Variants in CETP observed in about 807,000 individuals in gnomAD.
CETP encodes cholesteryl ester transfer protein.
Under a neutral mutation model 66.5 loss-of-function variants are expected in CETP, and 56 were observed. That is an observed-to-expected ratio of 0.84 (90% CI 0.68 to 1.05). The LOEUF (loss-of-function observed/expected upper bound fraction) is 1.05, where lower values mean the gene tolerates loss of function less well. Among genes scored for constraint, CETP ranks in the 50% least tolerant of loss-of-function variants. The pLI, the probability that CETP is intolerant of heterozygous loss-of-function variation, is 0.00. For synonymous variants in CETP, 251 were observed against 245.7 expected (o/e 1.02, Z -0.20); for missense variants, 612 against 609.6 (o/e 1.00, Z -0.04).
At chr16:56,979,937 T>G (rs1196653712) in intron 11 of CETP, among the ~76,000 whole-genome samples, 5 of 152,240 alleles carry the variant, frequency 3.3e-5, no homozygotes, top group Admixed American at 1.3e-4. Context: ...ATGTGGTGAC[T>G]GGGTGCATTT....
chr16:56,983,428 C>T lies in CETP; in HGVS notation c.1407+17C>T. 1 of 1,612,962 alleles carries T rather than the reference C, an allele frequency of 6.2e-7. No individual in the cohort carries two copies. Among genetic ancestry groups the T allele is most frequent in the Non-Finnish European group, 8.5e-7 (1 of 1,178,906 alleles). On this transcript the variant is annotated intron_variant, in intron 15 of 15. Transcript: ENST00000200676. ...ACTCGAGATGTGAGTACAAAGCCCC[C>T]CTCACCAGCCCCTGTTCCTGGGGAG... is the stretch of plus-strand genomic sequence containing the variant.
chr16:56,978,984 CCTGA>C (rs1459840319), intron 11 of CETP, among the ~76,000 whole-genome samples: 1 of 152,140 alleles, frequency 6.6e-6, no homozygotes, highest in Non-Finnish European at 1.5e-5. Flanking sequence ...CGCTACCACG[CCTGA>C]CTAATTTTTT....
At chr16:56,968,729 C>CTTT (rs201835654) in intron 2 of CETP, among the ~76,000 whole-genome samples, 27 of 126,976 alleles carry the variant, frequency 2.1e-4, no homozygotes, top group African/African-American at 5.8e-4. Context: ...GAGTCTTCTT[C>CTTT]TTTTTTTTTT....
At chr16:56,975,496 C>T (rs1165663387) in intron 10 of CETP, among the ~76,000 whole-genome samples, 3 of 152,166 alleles carry the variant, frequency 2.0e-5, no homozygotes, top group Non-Finnish European at 4.4e-5. Flanking sequence ...GGGGCTGGAA[C>T]CCCAGGATCA....
Position 56,971,033 on chromosome 16 carries a change from G to T in CETP, c.528G>T (p.Glu176Asp), listed in dbSNP as rs758533363. 6.2e-7 allele frequency: 1 copy of T among 1,614,106 alleles called. No homozygotes were observed. Among genetic ancestry groups the T allele is most frequent in the Non-Finnish European group, 8.5e-7 (1 of 1,180,022 alleles). Residue 176 changes from glutamate (E) to aspartate (D), a missense_variant and splice_region_variant, in exon 6 of 16, where the codon GAG becomes GAT. Coordinates refer to ENST00000200676, the MANE Select transcript of CETP (RefSeq NM_000078.3). Reference sequence around the variant, plus strand: ...TCATTGTGGTGCTTGCTGCCTTCAGGCCTGGGTGGATCAAGCAGCTGTTCA... The same window carrying T: ...TCATTGTGGTGCTTGCTGCCTTCAGTCCTGGGTGGATCAAGCAGCTGTTCA... ...KLLLHLQGEREPGWIKQLFTN... is the reference protein window; with the variant it reads ...KLLLHLQGERDPGWIKQLFTN...
Position 56,978,170 on chromosome 16 carries a change from G to C in CETP, c.1061G>C (p.Gly354Ala). The part of the protein sequence containing the change: ...KMPKISCQNK[G>A]VVVNSSVMVK... ...CCCAAGATCTCCTGCCAAAACAAGGGAGTCGTGGTCAATTCTTCAGTGATG... is the reference window on the plus strand; with the variant it reads ...CCCAAGATCTCCTGCCAAAACAAGGCAGTCGTGGTCAATTCTTCAGTGATG... The change falls in exon 11 of 16, where the codon GGA becomes GCA. Residue 354 changes from glycine to alanine, a missense_variant. By Grantham distance (60) the Gly-to-Ala change is moderately conservative. Coordinates refer to ENST00000200676, the MANE Select transcript of CETP (RefSeq NM_000078.3). The C allele has an allele frequency of 6.2e-7, 1 of 1,614,246 alleles. No homozygotes were observed. The highest frequency in any genetic ancestry group is 8.5e-7 in the Non-Finnish European group (1 of 1,180,056).
chr16:56,977,754 C>G lies in CETP; in HGVS notation c.982-337C>G, dbSNP rs1233952615. On this transcript the variant is annotated intron_variant, in intron 10 of 15. Transcript: ENST00000200676. ...CTTTCCACAGATTATCTCATTCCATCCTCAGGACAACCCTATGAGGTAGGA... is the reference window on the plus strand; with the variant it reads ...CTTTCCACAGATTATCTCATTCCATGCTCAGGACAACCCTATGAGGTAGGA... Among the ~76,000 whole-genome samples, 295 of 152,296 alleles carry G rather than the reference C, an allele frequency of 1.9e-3. 2 individuals are homozygous for G. Among genetic ancestry groups the G allele is most frequent in the South Asian group, 3.9e-3 (19 of 4,826 alleles).
At position 56,972,016 on chromosome 16, in the gene CETP, T is replaced by C. The variant is rs141794398; in HGVS notation, c.683T>C (p.Ile228Thr). 42 of 1,613,950 alleles carry C rather than the reference T, an allele frequency of 2.6e-5. No homozygotes were observed. The highest frequency in any genetic ancestry group is 1.1e-4 in the South Asian group (10 of 91,078). Residue 228 changes from isoleucine to threonine, a missense_variant, in exon 8 of 16, where the codon ATT (isoleucine) becomes ACT (threonine). Physicochemically the swap from Ile to Thr is moderately conservative, Grantham distance 89. Transcript: ENST00000200676. ...GCCAGCATCCTTTCAGATGGAGACA[T>C]TGGGGTGGACATTTCCCTGACAGGT... ...RAASILSDGD[I>T]GVDISLTGDP...
intron 9 of CETP, 80 bp downstream of exon 9, chr16:56,973,590 G>A: frequency 6.6e-7 from 1 of 1,519,782 alleles, no homozygotes; most frequent in Non-Finnish European, 9.0e-7. Context: ...GGGGAGGAGG[G>A]AGGAAACTCG....
intron 2 of CETP, among the ~76,000 whole-genome samples, chr16:56,963,937 G>T (rs553621756): frequency 4.1e-4 from 62 of 151,966 alleles, no homozygotes; most frequent in Middle Eastern, 3.4e-3. Flanking sequence ...CCGAAGTGCT[G>T]GGGTTACAGG....
intron 10 of CETP, among the ~76,000 whole-genome samples, chr16:56,977,217 TTC>T (rs1802322560): frequency 6.6e-6 from 1 of 152,104 alleles, no homozygotes; most frequent in Admixed American, 6.6e-5. Context: ...CGCCGGCCCT[TTC>T]TTTCTTTTGA....
At position 56,963,063 on chromosome 16, in the gene CETP, CCAGA is replaced by C; in HGVS notation, c.173_176del (p.Pro58LeufsTer8). ...GACCGCCTTCCAGCGAGCCAGCTAC[CCAGA>C]TATCACGGGCGAGAAGGCCATGATG... On this transcript the variant is annotated frameshift_variant, in exon 2 of 16. Transcript: ENST00000200676. LOFTEE classifies it high-confidence loss of function. 1.2e-6 allele frequency: 2 copies of C among 1,614,192 alleles called. No homozygotes were observed. Among genetic ancestry groups the C allele is most frequent in the Non-Finnish European group, 1.7e-6 (2 of 1,180,016 alleles).
chr16:56,966,018 T>C (rs1417861898), intron 2 of CETP, among the ~76,000 whole-genome samples: 1 of 152,154 alleles, frequency 6.6e-6, no homozygotes, highest in Non-Finnish European at 1.5e-5. Context: ...CCACCCTCCA[T>C]CTGGTGTCAC....
chr16:56,969,646 A>T lies in CETP; in HGVS notation c.404A>T (p.Asp135Val). ...GIDQSIDFEIDSAIDLQINTQ... is the reference protein window; with the variant it reads ...GIDQSIDFEIVSAIDLQINTQ... ...GATCAGTCCATTGACTTCGAGATCG[A>T]CTCTGCCATTGACCTCCAGATCAAC... Residue 135 changes from aspartate (D) to valine (V), a missense_variant, in exon 4 of 16, where the codon GAC becomes GTC. By Grantham distance (152) the Asp-to-Val change is radical. Coordinates refer to ENST00000200676, the MANE Select transcript of CETP (RefSeq NM_000078.3). 1 of 1,613,928 alleles carries T rather than the reference A, an allele frequency of 6.2e-7. No individual in the cohort carries two copies. The highest frequency in any genetic ancestry group is 8.5e-7 in the Non-Finnish European group (1 of 1,179,972).
In CETP at chr16:56,981,180, C is replaced by T. The variant is rs1355392609; in HGVS notation, c.1169C>T (p.Ala390Val). The T allele has an allele frequency of 6.2e-7, 1 of 1,613,664 alleles. No homozygotes were observed. Residue 390 changes from alanine (A) to valine (V), a missense_variant, in exon 12 of 16, where the codon GCC becomes GTC. Coordinates refer to ENST00000200676, the MANE Select transcript of CETP (RefSeq NM_000078.3). ...CAGGATATCGTGACTACCGTCCAGG[C>T]CTCCTATTCTAAGAAAAAGCTCTTC... The part of the protein sequence containing the change: ...FEEDIVTTVQ[A>V]SYSKKKLFLS...
chr16:56,965,127 T>C (rs1298560091), intron 2 of CETP, among the ~76,000 whole-genome samples: 1 of 152,146 alleles, frequency 6.6e-6, no homozygotes, highest in Non-Finnish European at 1.5e-5. Flanking sequence ...CCTAGACCTA[T>C]GTGTTGCAAG....
intron 10 of CETP, 78 bp downstream of exon 10, chr16:56,975,229 C>A: frequency 8.3e-7 from 1 of 1,202,444 alleles, no homozygotes; most frequent in Non-Finnish European, 1.2e-6. Flanking sequence ...CCCCACACAG[C>A]CAATAACACC....
At chr16:56,976,418 T>TTC (rs1295411809) in intron 10 of CETP, among the ~76,000 whole-genome samples, 7 of 152,196 alleles carry the variant, frequency 4.6e-5, no homozygotes, top group Non-Finnish European at 7.4e-5. Context: ...TTGTAACTGT[T>TTC]TAGTTGAAAG....
chr16:56,969,609 A>G lies in CETP; in HGVS notation c.369-2A>G, dbSNP rs1367745103. On this transcript the variant is annotated splice_acceptor_variant, in intron 3 of 15. Coordinates refer to ENST00000200676, the MANE Select transcript of CETP (RefSeq NM_000078.3). LOFTEE classifies it high-confidence loss of function. ...GGGTCCTGGGTCCTTGGCTCTTTCC[A>G]GGCTGGGTATTGATCAGTCCATTGA... 2.5e-6 allele frequency: 4 copies of G among 1,614,042 alleles called. No individual in the cohort carries two copies. In the African/African-American group the frequency reaches 5.3e-5, roughly 22 times the overall value.
Sources: allele counts gnomAD v4.1 joint callset (sites outside exome capture counted in the v4.1 genomes callset), GRCh38; gene constraint gnomAD v4.1.1; transcripts MANE v1.5; gene names NCBI Gene and HGNC (gene_info 2026-07-23, HGNC 2026-07-21).